OPHN1: variants seen among roughly 807,000 people sequenced by gnomAD.
The protein encoded by OPHN1 is oligophrenin 1.
A neutral mutation model predicts 60.7 loss-of-function variants in OPHN1; 11 were observed. The ratio of observed to expected loss-of-function variants is 0.18; its 90% CI spans 0.11 to 0.30. The LOEUF (loss-of-function observed/expected upper bound fraction) is 0.30. OPHN1 is among the 10% of genes least tolerant of loss of function. The pLI is 1.00. For synonymous variants in OPHN1, 226 were observed against 222.6 expected (o/e 1.02, Z -0.14); for missense variants, 449 against 611.0 (o/e 0.73, Z 2.80).
At chrX:68,359,445 A>G (rs990182758) in intron 2 of OPHN1, among the ~76,000 whole-genome samples, 5 of 111,334 alleles carry the variant, frequency 4.5e-5, no homozygotes, top group African/African-American at 1.6e-4. Context: ...AATTGAAAGG[A>G]AATTTCCCTG....
At chrX:68,299,658 C>T (rs1446460571) in intron 2 of OPHN1, among the ~76,000 whole-genome samples, 1 of 111,759 alleles carries the variant, frequency 8.9e-6, no homozygotes, top group Non-Finnish European at 1.9e-5. Flanking sequence ...GACTCCTTAA[C>T]TTGTTCACAG....
rs1483992188 is a variant in OPHN1, at chrX:68,070,729, CAA to C, written c.1834+2421_1834+2422del. The C allele has an allele frequency of 2.7e-6, 3 of 1,124,484 alleles. No homozygotes were observed. In the East Asian group the frequency reaches 9.0e-5, roughly 34 times the overall value. The allele number at this position is 1,124,484 out of a possible 1,213,427, so 92.7% of individuals were successfully genotyped here. ...TCCATGAGGGCTTTGGTTCCCTGGG[CAA>C]AAGCTTCCCATTCAAATACCCCCCA... On this transcript the variant is annotated intron_variant, in intron 20 of 24. Transcript: ENST00000355520.
intron 15 of OPHN1, among the ~76,000 whole-genome samples, chrX:68,135,441 T>G (rs1290942914): frequency 9.0e-6 from 1 of 111,426 alleles, no homozygotes; most frequent in Admixed American, 9.5e-5. Flanking sequence ...CGGGAGCTAT[T>G]ATATAGGCCT....
At chrX:68,224,927 G>T (rs896908615) in intron 6 of OPHN1, among the ~76,000 whole-genome samples, 4 of 112,188 alleles carry the variant, frequency 3.6e-5, no homozygotes, top group Non-Finnish European at 7.5e-5. Flanking sequence ...GCAGGGCATC[G>T]CCTCACCCTG....
intron 15 of OPHN1, among the ~76,000 whole-genome samples, chrX:68,183,684 A>G (rs781767340): frequency 2.4e-4 from 27 of 112,103 alleles, no homozygotes; most frequent in South Asian, 7.4e-4. Flanking sequence ...CAATTAAAAA[A>G]TTACTATTCT....
chrX:68,149,680 T>C (rs1448845647), intron 15 of OPHN1, among the ~76,000 whole-genome samples: 2 of 111,067 alleles, frequency 1.8e-5, no homozygotes, highest in Non-Finnish European at 1.9e-5. Context: ...ACTGGGATCC[T>C]CATACATTGC....
chrX:68,336,452 G>A (rs1386012481), intron 2 of OPHN1: 1 of 110,618 alleles, frequency 9.0e-6, no homozygotes, highest in Non-Finnish European at 1.9e-5. Flanking sequence ...TACTTGGGAA[G>A]CTGAGGTAGG....
At chrX:68,431,966 T>C (rs1259499355) in intron 2 of OPHN1, among the ~76,000 whole-genome samples, 1 of 111,302 alleles carries the variant, frequency 9.0e-6, no homozygotes, top group African/African-American at 3.3e-5. Context: ...TTCTTCTGTG[T>C]ATATGCTTTG....
At chrX:68,343,399 A>G (rs751195085) in intron 2 of OPHN1, among the ~76,000 whole-genome samples, 2 of 110,212 alleles carry the variant, frequency 1.8e-5, no homozygotes, top group Non-Finnish European at 3.8e-5. Context: ...CCCGGCCAAC[A>G]TGGTGAAACA....
intron 15 of OPHN1, among the ~76,000 whole-genome samples, chrX:68,184,834 G>C: frequency 9.0e-6 from 1 of 111,537 alleles, no homozygotes; most frequent in Non-Finnish European, 1.9e-5. Context: ...GACCTCAAGT[G>C]ATCTGCCCGT....
chrX:68,100,161 A>C (rs887423712), intron 18 of OPHN1, among the ~76,000 whole-genome samples: 5 of 111,179 alleles, frequency 4.5e-5, no homozygotes, highest in Admixed American at 1.9e-4. Flanking sequence ...TCTCGAAAAT[A>C]ATTGGGGGCA....
At chrX:68,337,209 G>A (rs1178394550) in intron 2 of OPHN1, among the ~76,000 whole-genome samples, 14 of 111,501 alleles carry the variant, frequency 1.3e-4, no homozygotes, top group African/African-American at 4.6e-4. Context: ...TTAAAAAATT[G>A]TTTCTGTATG....
chrX:68,255,590 G>A (rs1449024695), intron 5 of OPHN1, among the ~76,000 whole-genome samples: 1 of 111,423 alleles, frequency 9.0e-6, no homozygotes, highest in African/African-American at 3.3e-5. Flanking sequence ...GAGGAAGAGG[G>A]AATGCCTTTG....
chrX:68,400,241 T>C lies in OPHN1; in HGVS notation c.154+32626A>G, dbSNP rs190341252. On this transcript the variant is annotated intron_variant, in intron 2 of 24. Transcript: ENST00000355520. ...TATTTTTGTTTTCAATAAATCCCTG[T>C]TTCGTTCTTTTGTTGCTTCATTCTT... Among the ~76,000 whole-genome samples, 3 of 111,865 alleles carry C rather than the reference T, an allele frequency of 2.7e-5. No homozygotes were observed. The Admixed American group carries it at 2.9e-4, about 11-fold the overall frequency.
At position 68,432,879 on chromosome X, in the gene OPHN1, T is replaced by C; in HGVS notation, c.142A>G (p.Ser48Gly). The change falls in exon 2 of 25, where the codon AGC (serine) becomes GGC (glycine). Residue 48 changes from serine (S) to glycine (G), a missense_variant. Physicochemically the swap from Ser to Gly is moderately conservative, Grantham distance 56. Coordinates refer to ENST00000355520, the MANE Select transcript of OPHN1 (RefSeq NM_002547.3). ...DVIKDGNALI[S>G]AMRNYSSAVQ... ...GCCTTGCACTTACTTCTCATAGCGC[T>C]GATAAGCGCGTTGCCGTCTTTGATT... 8.3e-7 allele frequency: 1 copy of C among 1,211,999 alleles called. No homozygotes were observed. Among genetic ancestry groups the C allele is most frequent in the South Asian group, 1.8e-5 (1 of 57,035 alleles).
At chrX:68,348,786 T>C (rs1338335782) in intron 2 of OPHN1, among the ~76,000 whole-genome samples, 1 of 111,536 alleles carries the variant, frequency 9.0e-6, no homozygotes, top group Non-Finnish European at 1.9e-5. Flanking sequence ...GTGACAGATA[T>C]TTGGCTATGA....
intron 2 of OPHN1, among the ~76,000 whole-genome samples, chrX:68,348,120 G>A (rs2078388068): frequency 1.8e-5 from 2 of 111,786 alleles, no homozygotes; most frequent in Admixed American, 1.9e-4. Flanking sequence ...AAAATGACAA[G>A]GGAGGACTAG....
intron 2 of OPHN1, among the ~76,000 whole-genome samples, chrX:68,355,354 G>A (rs1165022083): frequency 8.9e-6 from 1 of 112,265 alleles, no homozygotes; most frequent in Non-Finnish European, 1.9e-5. Flanking sequence ...AATGTCTGCT[G>A]TGGAACGTAG....
At chrX:68,218,623 T>C (rs2147494804) in intron 6 of OPHN1, among the ~76,000 whole-genome samples, 1 of 109,077 alleles carries the variant, frequency 9.2e-6, no homozygotes, top group African/African-American at 3.3e-5. Context: ...GGGGCCAATA[T>C]TCAACATTCT....
Sources: gnomAD v4.1 joint callset for allele counts (sites outside exome capture counted in the v4.1 genomes callset) on GRCh38, gnomAD v4.1.1 for gene constraint, MANE v1.5 for transcripts, NCBI Gene and HGNC (gene_info 2026-07-23, HGNC 2026-07-21) for gene names.